MUC4: variants seen among roughly 807,000 people sequenced by gnomAD.
MUC4 encodes mucin-4.
In MUC4, 202 loss-of-function variants were observed where a neutral mutation model predicts 257.9. The ratio of observed to expected loss-of-function variants is 0.78; its 90% CI spans 0.70 to 0.88. The LOEUF (loss-of-function observed/expected upper bound fraction) is 0.88. MUC4 is among the 40% of genes least tolerant of loss of function. The pLI, the probability that MUC4 is intolerant of heterozygous loss-of-function variation, is 0.00. For missense variants in MUC4, 5,976 were observed against 6,513.7 expected, an observed-to-expected ratio of 0.92 and a Z score of 2.84; for synonymous variants, 2,351 against 2,757.1, an observed-to-expected ratio of 0.85 and a Z score of 4.62.
intron 24 of MUC4, among the ~76,000 whole-genome samples, chr3:195,748,151 G>A (rs1715508662): frequency 6.6e-6 from 1 of 152,294 alleles, no homozygotes; most frequent in Non-Finnish European, 1.5e-5. Flanking sequence ...GACTGCTGAT[G>A]AGGGCAGGGG....
chr3:195,785,567 C>T lies in MUC4; in HGVS notation c.6013G>A (p.Asp2005Asn), dbSNP rs779633327. 8.9e-4 allele frequency: 1,273 copies of T among 1,430,530 alleles called. 190 individuals are homozygous for T. In the African/African-American group the frequency reaches 0.019, roughly 21 times the overall value. 88.6% of individuals were successfully genotyped at this position (1,430,530 alleles called of 1,614,324 possible). Residue 2005 changes from aspartate (D) to asparagine (N), a missense_variant, in exon 2 of 25, where the codon GAC becomes AAC. By Grantham distance (23) the Asp-to-Asn change is conservative. Around this residue, in one of 44 missense-constraint regions of MUC4, gnomAD observed 51 missense variants for 45.1 expected, o/e 1.13. Transcript: ENST00000463781. ...TGHATPLPVT[D>N]TSSVSTGQAT... ...TGTCCTGTAGATACTGAGGAAGTGT[C>T]GGTGACCGGAAGAGGGGTGGCATGA...
chr3:195,794,199 C>A (rs1402200763), intron 1 of MUC4, among the ~76,000 whole-genome samples: 1 of 151,766 alleles, frequency 6.6e-6, no homozygotes, highest in African/African-American at 2.4e-5. Flanking sequence ...ACAGCACCTG[C>A]ACTAGCCACA....
At chr3:195,769,183 G>A in intron 6 of MUC4, 31 bp from the exon 7 acceptor site, 1 of 1,612,322 alleles carries the variant, frequency 6.2e-7, no homozygotes, top group Non-Finnish European at 8.5e-7. Flanking sequence ...ACACAGGGAT[G>A]CCCGTGAGAG....
At position 195,782,623 on chromosome 3, in the gene MUC4, G is replaced by T. The variant is rs769832541; in HGVS notation, c.8957C>A (p.Ser2986Tyr). The T allele has an allele frequency of 1.9e-5, 17 of 910,448 alleles. 2 individuals carry two copies. Among genetic ancestry groups the T allele is most frequent in the Non-Finnish European group, 2.7e-5 (17 of 636,386 alleles). The allele number at this position is 910,448 out of a possible 1,614,324, so 56.4% of individuals were successfully genotyped here. A position where few individuals can be genotyped will look rare whatever the true frequency, so the allele number is the denominator to read the frequency against. ...AGGAAGAAGGGTGGCGTGACCTGTG[G>T]ATGCTGAGGAAGTGTCGGTGTCAGG... is the stretch of plus-strand genomic sequence containing the variant. ...PLPDTDTSSA[S>Y]TGHATLLPVT... The change falls in exon 2 of 25, where the codon TCC becomes TAC. Residue 2986 changes from serine to tyrosine, a missense_variant. By Grantham distance (144) the Ser-to-Tyr change is moderately radical (BLOSUM62 -2). Coordinates refer to ENST00000463781, the MANE Select transcript of MUC4 (RefSeq NM_018406.7).
chr3:195,783,393 TG>T lies in MUC4; in HGVS notation c.8186del (p.Ser2729TyrfsTer275). 2.2e-6 allele frequency: 2 copies of T among 928,050 alleles called. No homozygotes were observed. The highest frequency in any genetic ancestry group is 2.9e-6 in the Non-Finnish European group (2 of 681,338). The allele number at this position is 928,050 out of a possible 1,614,324, so 57.5% of individuals were successfully genotyped here. ...TSLPVTDTSS[S>X]STGDTTPLLV... ...GAAGAGGGGTGGTGTCACCTGTGGA[TG>T]ATGAGGAAGTGTCGGTGACAGGAAG... On this transcript the variant is annotated frameshift_variant, in exon 2 of 25. Transcript: ENST00000463781. LOFTEE classifies it high-confidence loss of function.
Position 195,806,720 on chromosome 3 carries a change from A to T in MUC4, c.82+5016T>A, listed in dbSNP as rs555551733. Among the ~76,000 whole-genome samples the T allele has an allele frequency of 3.9e-5, 6 of 152,354 alleles. No homozygotes were observed. The East Asian group carries it at 1.2e-3, about 29-fold the overall frequency. ...AGATTGCCGAAAGGCTGTGTGCTGC[A>T]GTGAGTCAGGAGACCTGGGTTCTAG... On this transcript the variant is annotated intron_variant, in intron 1 of 24. Coordinates refer to ENST00000463781, the MANE Select transcript of MUC4 (RefSeq NM_018406.7).
At chr3:195,811,255 C>T (rs957294555) in intron 1 of MUC4, among the ~76,000 whole-genome samples, 1 of 151,840 alleles carries the variant, frequency 6.6e-6, no homozygotes, top group Non-Finnish European at 1.5e-5. Flanking sequence ...CTCACTGCAA[C>T]CTCCACCTCC....
At chr3:195,754,942 ATCCATATGTG>A (rs1560227697) in intron 18 of MUC4, among the ~76,000 whole-genome samples, 32 of 151,290 alleles carry the variant, frequency 2.1e-4, no homozygotes, top group African/African-American at 4.4e-4. Flanking sequence ...CCATGTATGT[ATCCATATGTG>A]TGTATCCATG....
chr3:195,761,020 G>A lies in MUC4; in HGVS notation c.14712C>T (p.Ser4904=). 1 of 1,614,204 alleles carries A rather than the reference G, an allele frequency of 6.2e-7. No individual in the cohort carries two copies. The highest frequency in any genetic ancestry group is 8.5e-7 in the Non-Finnish European group (1 of 1,180,022). Residue 4904 remains serine, a synonymous_variant, in exon 16 of 25, where the codon TCC becomes TCT. Transcript: ENST00000463781. ...VFYSQLQKNS[S]WAEHLISNCD... ...AGTTGGAGATCAAATGTTCAGCCCA[G>A]GAGCTGTTTTTTTGCAGTTGTGAGT...
At chr3:195,752,307 G>T in intron 21 of MUC4, 66 bp downstream of exon 21, 1 of 1,390,066 alleles carries the variant, frequency 7.2e-7, no homozygotes, top group Non-Finnish European at 1.0e-6. Context: ...GCACAGCGAT[G>T]GTTCCGCCCT....
chr3:195,766,790 C>T (rs991925334), intron 7 of MUC4, 39 bp from the exon 8 acceptor site: 1 of 1,577,002 alleles, frequency 6.3e-7, no homozygotes. Context: ...CTGCCGTGCA[C>T]AGGCTCTTGC....
Position 195,789,492 on chromosome 3 carries a change from G to C in MUC4, c.2088C>G (p.Ala696=). The C allele has an allele frequency of 6.2e-7, 1 of 1,613,874 alleles. No individual in the cohort carries two copies. Among genetic ancestry groups the C allele is most frequent in the East Asian group, 2.2e-5 (1 of 44,876 alleles). The part of the protein sequence containing the change: ...APTISAATTF[A]PAPTGDGHTT... ...TGTGACCATCCCCGGTGGGAGCTGG[G>C]GCAAAGGTTGTTGCTGCACTTATGG... Residue 696 remains alanine (A), a synonymous_variant, in exon 2 of 25, where the codon GCC becomes GCG. Coordinates refer to ENST00000463781, the MANE Select transcript of MUC4 (RefSeq NM_018406.7).
At chr3:195,773,362 A>G (rs1407875715) in intron 4 of MUC4, among the ~76,000 whole-genome samples, 1 of 148,096 alleles carries the variant, frequency 6.8e-6, no homozygotes, top group East Asian at 2.0e-4. Context: ...AGGGGTGTAG[A>G]CACCCTCTCT....
intron 21 of MUC4, 168 bp from the exon 22 acceptor site, chr3:195,751,439 A>C (rs1716419811): frequency 3.1e-6 from 2 of 637,274 alleles, no homozygotes. Flanking sequence ...AGCCTAGCTC[A>C]GTGAGTGTCA....
chr3:195,771,714 G>A lies in MUC4; in HGVS notation c.13180C>T (p.Leu4394=). 6.2e-7 allele frequency: 1 copy of A among 1,613,990 alleles called. No homozygotes were observed. Among genetic ancestry groups the A allele is most frequent in the Non-Finnish European group, 8.5e-7 (1 of 1,179,880 alleles). The change falls in exon 5 of 25, where the codon CTG becomes TTG. Residue 4394 remains leucine (L), a synonymous_variant. Coordinates refer to ENST00000463781, the MANE Select transcript of MUC4 (RefSeq NM_018406.7). ...GCATCGTCCCAGAACGGAGCCACCA[G>A]GGCCACAGGGTCCCGGCCTGTGAAG... The part of the protein sequence containing the change: ...TGFTGRDPVA[L]VAPFWDDADF...
In MUC4 at chr3:195,747,190, C is replaced by T. The variant is rs1715191127; in HGVS notation, c.16225G>A (p.Glu5409Lys). Residue 5409 changes from glutamate to lysine, a missense_variant, in exon 25 of 25, where the codon GAG becomes AAG. By Grantham distance (56) the Glu-to-Lys change is moderately conservative. Transcript: ENST00000463781. The part of the protein sequence containing the change: ...ARFSYFLNSA[E>K]ALP ...CAGCTGCCCCTTCAAGGCAAGGCCT[C>T]AGCTGAGTTCAGGAAATAGGAGAAC... 6.2e-7 allele frequency: 1 copy of T among 1,614,278 alleles called. No homozygotes were observed. The highest frequency in any genetic ancestry group is 8.5e-7 in the Non-Finnish European group (1 of 1,180,054).
Position 195,757,743 on chromosome 3 carries a change from T to A in MUC4, c.14987-415A>T, listed in dbSNP as rs1000777276. ...CAGCCCCATCCTTTGCCCTGATTTC[T>A]CACCCACCCCCCACTTCCTGGACCT... On this transcript the variant is annotated intron_variant, in intron 17 of 24. Transcript: ENST00000463781. The surrounding 1 kb of genome is among the most constrained non-coding windows in gnomAD (Gnocchi z 4.8). 6.6e-5 allele frequency among the ~76,000 whole-genome samples: 10 copies of A among 152,066 alleles called. No homozygotes were observed. Among genetic ancestry groups the A allele is most frequent in the African/African-American group, 2.4e-4 (10 of 41,392 alleles).
At chr3:195,811,432 G>A (rs979891622) in intron 1 of MUC4, among the ~76,000 whole-genome samples, 1 of 151,822 alleles carries the variant, frequency 6.6e-6, no homozygotes, top group Non-Finnish European at 1.5e-5. Flanking sequence ...CTTGGCCTCC[G>A]AAAGTGCTGG....
At chr3:195,809,010 T>C (rs991793238) in intron 1 of MUC4, among the ~76,000 whole-genome samples, 1 of 152,186 alleles carries the variant, frequency 6.6e-6, no homozygotes, top group Non-Finnish European at 1.5e-5. Context: ...CTGGGGTCAC[T>C]GATAGTGCTG....
Sources: gnomAD v4.1 joint callset for allele counts (sites outside exome capture counted in the v4.1 genomes callset) on GRCh38, gnomAD v4.1.1 for gene constraint, gnomAD v4.1.1 regional missense constraint, Gnocchi (gnomAD v3.1) non-coding constraint, MANE v1.5 for transcripts, NCBI Gene and HGNC (gene_info 2026-07-23, HGNC 2026-07-21) for gene names.